Variants in SLC10A7 observed in about 807,000 individuals in gnomAD.
SLC10A7 encodes the protein solute carrier family 10 member 7.
In SLC10A7, 29 loss-of-function variants were observed where a neutral mutation model predicts 43.2. The ratio of observed to expected loss-of-function variants is 0.67; its 90% confidence interval spans 0.50 to 0.92. The LOEUF is 0.92. SLC10A7 is among the 40% of genes least tolerant of loss of function. The pLI is 0.00. For missense variants in SLC10A7, 295 were observed against 403.2 expected (o/e 0.73, Z 2.30); for synonymous variants, 152 against 144.8 (o/e 1.05, Z -0.35).
intron 3 of SLC10A7, among the ~76,000 whole-genome samples, chr4:146,507,459 C>T (rs1252902560): frequency 6.6e-6 from 1 of 151,914 alleles, no homozygotes; most frequent in African/African-American, 2.4e-5. Flanking sequence ...ACTCAGGAGG[C>T]TTGAGGCAGG....
intron 5 of SLC10A7, among the ~76,000 whole-genome samples, chr4:146,368,894 G>A (rs1223814781): frequency 3.3e-5 from 5 of 152,090 alleles, no homozygotes; most frequent in South Asian, 2.1e-4. Context: ...ATTAACATTC[G>A]GTGTTTAGGA....
intron 7 of SLC10A7, among the ~76,000 whole-genome samples, chr4:146,301,756 TTGGTGG>T (rs2111233082): frequency 6.6e-6 from 1 of 152,224 alleles, no homozygotes; most frequent in Admixed American, 6.5e-5. Context: ...GTAAGGCTAA[TTGGTGG>T]TTTCTAGATG....
chr4:146,455,018 T>C (rs1230504492), intron 4 of SLC10A7, among the ~76,000 whole-genome samples: 2 of 151,874 alleles, frequency 1.3e-5, no homozygotes, highest in African/African-American at 4.8e-5. Context: ...AAAAAATCAA[T>C]TTCTCAGTAT....
At chr4:146,303,714 A>G (rs752588873) in intron 7 of SLC10A7, among the ~76,000 whole-genome samples, 1 of 152,208 alleles carries the variant, frequency 6.6e-6, no homozygotes, top group Admixed American at 6.5e-5. Flanking sequence ...TATTTCAAAG[A>G]CTTGTTTCCT....
chr4:146,442,840 G>C lies in SLC10A7; in HGVS notation c.397-19C>G. 2 of 1,516,518 alleles carry C rather than the reference G, an allele frequency of 1.3e-6. No individual in the cohort carries two copies. The highest frequency in any genetic ancestry group is 4.6e-5 in the East Asian group (2 of 43,488). The allele number at this position is 1,516,518 out of a possible 1,614,324, so 93.9% of individuals were successfully genotyped here. A position where few individuals can be genotyped will look rare whatever the true frequency, so the allele number is the denominator to read the frequency against. ...CAGCTGCCTATGAAGAAAATAAATAGGGGAAAAAAACTCATTGAAAGTAAA... is the reference window on the plus strand; with the variant it reads ...CAGCTGCCTATGAAGAAAATAAATACGGGAAAAAAACTCATTGAAAGTAAA... On this transcript the variant is annotated intron_variant, in intron 4 of 11. Coordinates refer to ENST00000335472, the MANE Select transcript of SLC10A7 (RefSeq NM_001029998.6).
chr4:146,373,565 G>A (rs1736948346), intron 5 of SLC10A7, among the ~76,000 whole-genome samples: 3 of 151,654 alleles, frequency 2.0e-5, no homozygotes, highest in Non-Finnish European at 4.4e-5. Flanking sequence ...AGGTCAAAAA[G>A]CACCATAGTA....
At chr4:146,382,079 C>A (rs1737666622) in intron 5 of SLC10A7, among the ~76,000 whole-genome samples, 2 of 151,860 alleles carry the variant, frequency 1.3e-5, no homozygotes, top group Admixed American at 6.6e-5. Context: ...TCTAATCTGA[C>A]AAAGGGCTTT....
chr4:146,486,199 G>A (rs967661606), intron 4 of SLC10A7, among the ~76,000 whole-genome samples: 10 of 152,050 alleles, frequency 6.6e-5, no homozygotes, highest in African/African-American at 2.4e-4. Context: ...GAAACTGCAG[G>A]TCATTCAAAT....
At chr4:146,267,947 A>G (rs1449997801) in intron 10 of SLC10A7, among the ~76,000 whole-genome samples, 1 of 152,112 alleles carries the variant, frequency 6.6e-6, no homozygotes, top group African/African-American at 2.4e-5. Context: ...AGTTTATCAG[A>G]TATGTACCAA....
intron 4 of SLC10A7, among the ~76,000 whole-genome samples, chr4:146,490,447 A>T (rs1735295392): frequency 6.6e-6 from 1 of 152,206 alleles, no homozygotes; most frequent in South Asian, 2.1e-4. Flanking sequence ...TTAAACAAAG[A>T]TTAGTGTAAA....
chr4:146,496,652 T>C (rs1735926996), intron 4 of SLC10A7, among the ~76,000 whole-genome samples: 1 of 152,176 alleles, frequency 6.6e-6, no homozygotes, highest in Admixed American at 6.5e-5. Flanking sequence ...CCCCTTTTTT[T>C]CCAACCATTT....
chr4:146,256,819 T>C (rs1192348065), intron 11 of SLC10A7: 1 of 1,527,024 alleles, frequency 6.5e-7, no homozygotes, highest in Non-Finnish European at 8.8e-7. Context: ...GAGGCACTCA[T>C]GGATACCTGG....
At chr4:146,349,881 A>T (rs987372949) in intron 5 of SLC10A7, among the ~76,000 whole-genome samples, 1 of 152,186 alleles carries the variant, frequency 6.6e-6, no homozygotes, top group East Asian at 1.9e-4. Context: ...CCTACTGGGT[A>T]CTATGCTCAC....
chr4:146,365,877 C>T (rs1179291246), intron 5 of SLC10A7, among the ~76,000 whole-genome samples: 2 of 152,196 alleles, frequency 1.3e-5, no homozygotes, highest in East Asian at 1.9e-4. Flanking sequence ...GTTAGGAACC[C>T]GGCCGCACTG....
chr4:146,259,301 G>T (rs1728072297), intron 10 of SLC10A7, among the ~76,000 whole-genome samples: 2 of 152,204 alleles, frequency 1.3e-5, no homozygotes, highest in African/African-American at 4.8e-5. Context: ...GTAAGATCAT[G>T]TATGGTATAC....
intron 2 of SLC10A7, among the ~76,000 whole-genome samples, chr4:146,511,969 C>CTTTTTT (rs765683134): frequency 1.6e-4 from 16 of 98,840 alleles, no homozygotes; most frequent in African/African-American, 2.0e-4. Context: ...TGCATATACT[C>CTTTTTT]TTTTTTTTTT....
rs1262510415 is a variant in SLC10A7, at chr4:146,506,747, TG to T, written c.321-2824del. On this transcript the variant is annotated intron_variant, in intron 3 of 11. Coordinates refer to ENST00000335472, the MANE Select transcript of SLC10A7 (RefSeq NM_001029998.6). ...AGTCATTCTGGTGTTTTTGTTTGTTTGTTTGGTTTTTTTTTGTTTTTGTTTT... is the reference window on the plus strand; with the variant it reads ...AGTCATTCTGGTGTTTTTGTTTGTTTTTTGGTTTTTTTTTGTTTTTGTTTT... 6.6e-5 allele frequency among the ~76,000 whole-genome samples: 10 copies of T among 152,294 alleles called. No homozygotes were observed. The East Asian group carries it at 1.9e-3, about 29-fold the overall frequency.
intron 4 of SLC10A7, among the ~76,000 whole-genome samples, chr4:146,462,591 A>T (rs575019846): frequency 1.1e-4 from 17 of 152,328 alleles, no homozygotes; most frequent in African/African-American, 4.1e-4. Context: ...CACAGCATGG[A>T]AATTGTATAG....
At position 146,263,058 on chromosome 4, in the gene SLC10A7, G is replaced by A. The variant is rs151219995; in HGVS notation, c.848-4221C>T. The stretch of plus-strand genomic sequence containing the variant: ...GGTCCTCCCACCCATCCTTGGCCAC[G>A]TGCCATTCTCTGTCTTGCCCCTAGG... On this transcript the variant is annotated intron_variant, in intron 10 of 11. Transcript: ENST00000335472. 9.8e-3 allele frequency among the ~76,000 whole-genome samples: 1,498 copies of A among 152,290 alleles called. 10 individuals carry two copies. Among genetic ancestry groups the A allele is most frequent in the Non-Finnish European group, 0.011 (718 of 68,018 alleles).
Sources: gnomAD v4.1 joint callset for allele counts (sites outside exome capture counted in the v4.1 genomes callset) on GRCh38, gnomAD v4.1.1 for gene constraint, MANE v1.5 for transcripts, NCBI Gene and HGNC (gene_info 2026-07-23, HGNC 2026-07-21) for gene names.